The following PARP8 variants were observed in gnomAD, a reference collection of about 807,000 sequenced individuals.
PARP8 encodes the protein protein mono-ADP-ribosyltransferase PARP8.
PARP8 carries 51 observed loss-of-function variants against 124.1 expected under a neutral mutation model. That is an observed-to-expected ratio of 0.41 (90% confidence interval 0.33 to 0.52). PARP8 has a LOEUF of 0.52. PARP8 is among the 20% of genes least tolerant of loss of function. The probability of loss-of-function intolerance (pLI) is 0.21; values close to 1 mark genes in which losing one functional copy is unlikely to be tolerated. For synonymous variants in PARP8, 391 were observed against 361.5 expected (o/e 1.08, Z -0.93); for missense variants, 860 against 1,018.9 (o/e 0.84, Z 2.12).
At chr5:50,764,375 A>T (rs1279178744) in intron 7 of PARP8, among the ~76,000 whole-genome samples, 1 of 152,262 alleles carries the variant, frequency 6.6e-6, no homozygotes, top group Non-Finnish European at 1.5e-5. Context: ...GAAAAAAGAC[A>T]TTCACATTAT....
chr5:50,669,135 C>A (rs1749708625), intron 2 of PARP8: 1 of 152,158 alleles, frequency 6.6e-6, no homozygotes, highest in Admixed American at 6.5e-5. Context: ...GAATATCATT[C>A]CAGTATATGC....
intron 2 of PARP8, among the ~76,000 whole-genome samples, chr5:50,689,890 G>T (rs1201514476): frequency 6.6e-6 from 1 of 152,134 alleles, no homozygotes; most frequent in Non-Finnish European, 1.5e-5. Context: ...TATCATTCCA[G>T]CCCAAGGCTG....
intron 25 of PARP8, among the ~76,000 whole-genome samples, chr5:50,839,494 G>A (rs1367178464): frequency 1.3e-5 from 2 of 151,936 alleles, no homozygotes; most frequent in East Asian, 1.9e-4. Flanking sequence ...AAAGTAAATG[G>A]ATGTTTGATT....
At chr5:50,782,036 A>G (rs1305951699) in intron 9 of PARP8, among the ~76,000 whole-genome samples, 1 of 152,232 alleles carries the variant, frequency 6.6e-6, no homozygotes, top group Non-Finnish European at 1.5e-5. Context: ...GGGGTCAAGA[A>G]GAAGGCAGCA....
At chr5:50,758,820 G>C (rs895700898) in intron 3 of PARP8, among the ~76,000 whole-genome samples, 3 of 152,080 alleles carry the variant, frequency 2.0e-5, no homozygotes, top group African/African-American at 7.2e-5. Context: ...GTATTCATTA[G>C]GGAAAGAGTG....
intron 2 of PARP8, among the ~76,000 whole-genome samples, chr5:50,674,319 C>T (rs1273002989): frequency 2.6e-5 from 4 of 152,222 alleles, no homozygotes; most frequent in Non-Finnish European, 4.4e-5. Flanking sequence ...ATTACAGTTT[C>T]AGATTTCACC....
intron 2 of PARP8, among the ~76,000 whole-genome samples, chr5:50,719,975 T>C (rs1214400095): frequency 6.6e-6 from 1 of 151,994 alleles, no homozygotes; most frequent in Admixed American, 6.6e-5. Flanking sequence ...CAGGTATAAT[T>C]GTTATAAAGC....
intron 2 of PARP8, among the ~76,000 whole-genome samples, chr5:50,672,645 T>C (rs558979541): frequency 2.0e-5 from 3 of 152,264 alleles, no homozygotes; most frequent in South Asian, 2.1e-4. Flanking sequence ...AGTGGAGAGT[T>C]TGGACTCCAA....
intron 2 of PARP8, among the ~76,000 whole-genome samples, chr5:50,676,198 C>T (rs1750618040): frequency 6.6e-6 from 1 of 152,200 alleles, no homozygotes; most frequent in Non-Finnish European, 1.5e-5. Flanking sequence ...AACACTTTGG[C>T]AAACTCTGAG....
intron 2 of PARP8, among the ~76,000 whole-genome samples, chr5:50,707,113 C>CT (rs1754231225): frequency 6.6e-6 from 1 of 151,850 alleles, no homozygotes; most frequent in Admixed American, 6.6e-5. Flanking sequence ...GATATAAAAC[C>CT]TTTTTTGTAC....
intron 3 of PARP8, among the ~76,000 whole-genome samples, chr5:50,758,616 T>G (rs1760213259): frequency 6.6e-6 from 1 of 152,206 alleles, no homozygotes. Context: ...TAGCAGAAAT[T>G]GATCCATGCT....
At chr5:50,740,045 G>C (rs1204795167) in intron 2 of PARP8, among the ~76,000 whole-genome samples, 1 of 151,918 alleles carries the variant, frequency 6.6e-6, no homozygotes. Flanking sequence ...TACTGCGCCC[G>C]GCCTGGGTTT....
At chr5:50,681,857 C>T (rs1021447011) in intron 2 of PARP8, among the ~76,000 whole-genome samples, 3 of 152,096 alleles carry the variant, frequency 2.0e-5, no homozygotes, top group African/African-American at 7.2e-5. Flanking sequence ...CCCTGTTCTA[C>T]TTTTTCAGCT....
chr5:50,737,915 T>C (rs778815905), intron 2 of PARP8, among the ~76,000 whole-genome samples: 2 of 152,190 alleles, frequency 1.3e-5, no homozygotes, highest in Non-Finnish European at 2.9e-5. Flanking sequence ...TCAAAATATG[T>C]CAGATTTAAG....
intron 14 of PARP8, among the ~76,000 whole-genome samples, chr5:50,809,418 C>T (rs1744198971): frequency 6.6e-6 from 1 of 152,052 alleles, no homozygotes; most frequent in Non-Finnish European, 1.5e-5. Flanking sequence ...TAGTTTTAAA[C>T]AGTGGATATA....
intron 2 of PARP8, among the ~76,000 whole-genome samples, chr5:50,686,997 T>A (rs1288219185): frequency 1.3e-5 from 2 of 152,222 alleles, no homozygotes; most frequent in East Asian, 3.8e-4. Flanking sequence ...GGGATTAACA[T>A]TCGGCTTCTA....
At chr5:50,694,696 G>A (rs1482683249) in intron 2 of PARP8, among the ~76,000 whole-genome samples, 1 of 152,134 alleles carries the variant, frequency 6.6e-6, no homozygotes, top group African/African-American at 2.4e-5. Flanking sequence ...TATATATGAA[G>A]GGGAGTTTAT....
At position 50,788,311 on chromosome 5, in the gene PARP8, A is replaced by C. The variant is rs1741530016; in HGVS notation, c.671-212A>C. On this transcript the variant is annotated intron_variant, in intron 9 of 25. Transcript: ENST00000281631. ...ATATAATGTATAATGTATACAATAT[A>C]ATGTATAATATATATTATACATTAA... Among the ~76,000 whole-genome samples, 3 of 148,650 alleles carry C rather than the reference A, an allele frequency of 2.0e-5. No individual in the cohort carries two copies. In the South Asian group the frequency reaches 6.2e-4, roughly 31 times the overall value.
intron 2 of PARP8, among the ~76,000 whole-genome samples, chr5:50,734,005 C>T (rs944453847): frequency 2.6e-5 from 4 of 152,100 alleles, no homozygotes; most frequent in African/African-American, 4.8e-5. Flanking sequence ...GATAACTTTA[C>T]TAATGAGGAA....
Sources: allele counts gnomAD v4.1 joint callset (sites outside exome capture counted in the v4.1 genomes callset), GRCh38; gene constraint gnomAD v4.1.1; transcripts MANE v1.5; gene names NCBI Gene and HGNC (gene_info 2026-07-23, HGNC 2026-07-21).